CD163L1: variants seen among roughly 807,000 people sequenced by gnomAD.
CD163L1 encodes CD163 molecule like 1, also known as scavenger receptor cysteine-rich type 1 protein M160.
Under a neutral mutation model 165.4 loss-of-function variants are expected in CD163L1, and 124 were observed. The observed-to-expected ratio is 0.75, with a 90% CI of 0.65 to 0.87. The LOEUF is 0.87. Ranked by LOEUF, CD163L1 falls within the 40% of genes least tolerant of loss-of-function variation. The pLI is 0.00. For missense variants in CD163L1, 1,525 were observed against 1,799.9 expected (o/e 0.85, Z 2.76); for synonymous variants, 585 against 662.2 (o/e 0.88, Z 1.79).
chr12:7,424,170 A>G (rs1948495094), intron 4 of CD163L1, among the ~76,000 whole-genome samples: 1 of 152,212 alleles, frequency 6.6e-6, no homozygotes, highest in Non-Finnish European at 1.5e-5. Context: ...AGGCTGGTTC[A>G]ACATACACAA....
intron 4 of CD163L1, among the ~76,000 whole-genome samples, chr12:7,414,994 C>T (rs963532466): frequency 4.6e-5 from 7 of 151,968 alleles, no homozygotes; most frequent in African/African-American, 1.4e-4. Flanking sequence ...TGCTAATTAG[C>T]AACATGAAAA....
At chr12:7,386,529 C>T (rs1173059809) in intron 8 of CD163L1, among the ~76,000 whole-genome samples, 1 of 148,138 alleles carries the variant, frequency 6.8e-6, no homozygotes, top group African/African-American at 2.5e-5. Context: ...GAGAAAAATA[C>T]AGGCCAATAT....
chr12:7,395,245 C>T (rs766195416), intron 8 of CD163L1, among the ~76,000 whole-genome samples: 20 of 152,212 alleles, frequency 1.3e-4, no homozygotes, highest in Admixed American at 5.9e-4. Context: ...ACATATACAC[C>T]ATGGAATACT....
chr12:7,398,350 T>A lies in CD163L1; in HGVS notation c.1643A>T (p.Asn548Ile), dbSNP rs371397496. 1.2e-6 allele frequency: 2 copies of A among 1,614,084 alleles called. No homozygotes were observed. The highest frequency in any genetic ancestry group is 2.7e-5 in the African/African-American group (2 of 74,942). ...TTCACAGTCCCAGATATTTGACTCA[T>A]TTCCAATGCAAGAAACGTCATCCAG... The part of the protein sequence containing the change: ...IWLDDVSCIG[N>I]ESNIWDCEHS... The change falls in exon 7 of 20, where the codon AAT becomes ATT. Residue 548 changes from asparagine to isoleucine, a missense_variant. By Grantham distance (149) the Asn-to-Ile change is moderately radical. Coordinates refer to ENST00000313599, the MANE Select transcript of CD163L1 (RefSeq NM_174941.6). This position sits in a 1 kb window ranked among gnomAD's most constrained non-coding sequence, Gnocchi z 4.5.
At chr12:7,437,392 T>C (rs1187389746) in intron 2 of CD163L1, among the ~76,000 whole-genome samples, 1 of 151,410 alleles carries the variant, frequency 6.6e-6, no homozygotes, top group African/African-American at 2.4e-5. Flanking sequence ...ACGTGCAAGT[T>C]TGTTACATAT....
chr12:7,377,707 T>C (rs1947299247), intron 9 of CD163L1, among the ~76,000 whole-genome samples: 1 of 152,202 alleles, frequency 6.6e-6, no homozygotes, highest in Non-Finnish European at 1.5e-5. Flanking sequence ...TTTTTTGGAA[T>C]TGATGTCCCC....
chr12:7,426,375 G>T (rs1948543387), intron 4 of CD163L1, among the ~76,000 whole-genome samples: 1 of 151,946 alleles, frequency 6.6e-6, no homozygotes, highest in Non-Finnish European at 1.5e-5. Context: ...AGGTTGATAG[G>T]TCAGCCAATC....
chr12:7,444,009 T>A lies in CD163L1; in HGVS notation c.31+88A>T, dbSNP rs767121882. The A allele has an allele frequency of 5.1e-4, 658 of 1,278,528 alleles. 5 individuals carry two copies. Among genetic ancestry groups the A allele is most frequent in the Admixed American group, 2.4e-4 (13 of 54,238 alleles). 79.2% of individuals were successfully genotyped at this position (1,278,528 alleles called of 1,614,324 possible). On this transcript the variant is annotated intron_variant, in intron 1 of 19. Coordinates refer to ENST00000313599, the MANE Select transcript of CD163L1 (RefSeq NM_174941.6). The stretch of plus-strand genomic sequence containing the variant: ...CCTGTTTTCTTTTTACCTTACTACA[T>A]AATATTTATATCTGTTTGTTGTTAC...
In CD163L1 at chr12:7,382,270, T is replaced by C. The variant is rs117780614; in HGVS notation, c.2051-2972A>G. On this transcript the variant is annotated intron_variant, in intron 8 of 19. Transcript: ENST00000313599. Reference sequence around the variant, plus strand: ...AAAGACACATTGATATTCATGATTATGGAGAGAAGAACTTTCCCTTAAAAG... The same window carrying C: ...AAAGACACATTGATATTCATGATTACGGAGAGAAGAACTTTCCCTTAAAAG... Among the ~76,000 whole-genome samples the C allele has an allele frequency of 5.1e-3, 769 of 152,124 alleles. 4 individuals carry two copies. The highest frequency in any genetic ancestry group is 0.037 in the Middle Eastern group (11 of 294).
the CD163L1 span, among the ~76,000 whole-genome samples, chr12:7,330,518 G>A: frequency 3.9e-5 from 6 of 152,290 alleles, no homozygotes; most frequent in African/African-American, 1.4e-4. Context: ...GTAAGTGAGT[G>A]TTAGGATTAA....
intron 8 of CD163L1, among the ~76,000 whole-genome samples, chr12:7,391,407 A>G (rs1049668349): frequency 6.6e-6 from 1 of 152,182 alleles, no homozygotes; most frequent in Non-Finnish European, 1.5e-5. Context: ...GAAGGTCTGT[A>G]ATAACAAACT....
intron 4 of CD163L1, among the ~76,000 whole-genome samples, chr12:7,349,352 A>G (rs1209390737): frequency 1.3e-5 from 2 of 152,202 alleles, no homozygotes; most frequent in Non-Finnish European, 2.9e-5. Context: ...TTCCTCAACT[A>G]GGAAATATAA....
chr12:7,373,189 T>C, intron 14 of CD163L1, 131 bp downstream of exon 14: 2 of 717,672 alleles, frequency 2.8e-6, no homozygotes, highest in East Asian at 5.4e-5. Flanking sequence ...ACAGATGCGA[T>C]AAATCAGCAC....
intron 4 of CD163L1, among the ~76,000 whole-genome samples, chr12:7,421,612 CATAT>C (rs1392236456): frequency 0.024 from 95 of 3,978 alleles, no homozygotes; most frequent in African/African-American, 0.034. Flanking sequence ...TACACATATA[CATAT>C]ATGTACATAT....
the CD163L1 span, among the ~76,000 whole-genome samples, chr12:7,319,542 A>G: frequency 2.7e-5 from 4 of 149,874 alleles, no homozygotes; most frequent in Non-Finnish European, 4.5e-5. Flanking sequence ...GTGAGCCGAG[A>G]TCACACTACT....
the CD163L1 span, among the ~76,000 whole-genome samples, chr12:7,330,516 G>A: frequency 2.6e-5 from 4 of 152,186 alleles, no homozygotes; most frequent in Non-Finnish European, 4.4e-5. Flanking sequence ...TGGTAAGTGA[G>A]TGTTAGGATT....
At chr12:7,380,293 G>GTATACACATATACATACATATA (rs1565783990) in intron 8 of CD163L1, among the ~76,000 whole-genome samples, 15 of 115,828 alleles carry the variant, frequency 1.3e-4, no homozygotes, top group African/African-American at 3.7e-4. Flanking sequence ...GTGTGTGTGT[G>GTATACACATATACATACATATA]TGTGTGTGTA....
Position 7,362,196 on chromosome 12 carries a change from CAT to C in CD163L1, c.4280-4712_4280-4711del, listed in dbSNP as rs979541585. The stretch of plus-strand genomic sequence containing the variant: ...ACTTATATAAATTATACATATATAA[CAT>C]ATATAATATATCATATGTATTATTT... On this transcript the variant is annotated intron_variant, in intron 18 of 19. Coordinates refer to ENST00000313599, the MANE Select transcript of CD163L1 (RefSeq NM_174941.6). 5.7e-5 allele frequency among the ~76,000 whole-genome samples: 8 copies of C among 139,364 alleles called. No homozygotes were observed. The East Asian group carries it at 8.1e-4, about 14-fold the overall frequency. 91.4% of individuals were successfully genotyped at this position (139,364 alleles called of 152,430 possible). A position where few individuals can be genotyped will look rare whatever the true frequency, so the allele number is the denominator to read the frequency against.
intron 11 of CD163L1, among the ~76,000 whole-genome samples, 176 bp from the exon 12 acceptor site, chr12:7,375,099 T>A (rs1947236041): frequency 6.6e-6 from 1 of 152,188 alleles, no homozygotes; most frequent in Non-Finnish European, 1.5e-5. Context: ...ACAGAGGTGT[T>A]AACTTCCCCT....
Sources: allele counts gnomAD v4.1 joint callset (sites outside exome capture counted in the v4.1 genomes callset), GRCh38; gene constraint gnomAD v4.1.1; non-coding constraint Gnocchi (gnomAD v3.1); transcripts MANE v1.5; gene names NCBI Gene and HGNC (gene_info 2026-07-23, HGNC 2026-07-21).